The following GFPT1 variants were observed in gnomAD, a reference collection of about 807,000 sequenced individuals.
The protein encoded by GFPT1 is glutamine--fructose-6-phosphate aminotransferase [isomerizing] 1.
Under a neutral mutation model 92.0 loss-of-function variants are expected in GFPT1, and 40 were observed. That is an observed-to-expected ratio of 0.43 (90% CI 0.34 to 0.57). The LOEUF is 0.57. Among genes scored for constraint, GFPT1 ranks in the 20% least tolerant of loss-of-function variants. The pLI, the probability that GFPT1 is intolerant of heterozygous loss-of-function variation, is 0.02. For missense variants in GFPT1, 448 were observed against 869.1 expected (o/e 0.52, Z 6.09); for synonymous variants, 269 against 280.6 (o/e 0.96, Z 0.41).
chr2:69,380,927 T>C (rs1671993851), intron 1 of GFPT1, among the ~76,000 whole-genome samples: 1 of 152,194 alleles, frequency 6.6e-6, no homozygotes, highest in Non-Finnish European at 1.5e-5. Context: ...CAAATCCTCA[T>C]TTTCTCTTCC....
At chr2:69,335,715 A>G (rs1670777307) in intron 15 of GFPT1, among the ~76,000 whole-genome samples, 1 of 152,222 alleles carries the variant, frequency 6.6e-6, no homozygotes, top group Non-Finnish European at 1.5e-5. Flanking sequence ...TGTTAGCAAT[A>G]TCGAAATACC....
chr2:69,328,463 CT>C, intron 17 of GFPT1, 25 bp from the exon 18 acceptor site: 1 of 1,554,504 alleles, frequency 6.4e-7, no homozygotes, highest in Non-Finnish European at 8.9e-7. Flanking sequence ...CCAGATTTGT[CT>C]TCAATCCACT....
intron 17 of GFPT1, 46 bp downstream of exon 17, chr2:69,329,251 T>A: frequency 6.3e-7 from 1 of 1,582,812 alleles, no homozygotes; most frequent in Admixed American, 1.7e-5. Context: ...ATGTGTCAGG[T>A]CTGCAGGTCA....
chr2:69,328,495 G>C (rs1670584226), intron 17 of GFPT1, 57 bp from the exon 18 acceptor site: 1 of 1,288,300 alleles, frequency 7.8e-7, no homozygotes, highest in Admixed American at 1.7e-5. Context: ...CCATGTTTAA[G>C]TAAATATTAT....
Position 69,350,287 on chromosome 2 carries a change from CA to C in GFPT1, c.740-105del, listed in dbSNP as rs199986900. On this transcript the variant is annotated intron_variant, in intron 9 of 19. Transcript: ENST00000357308. ...AAATCAAGAAAAAATCATAGCAACA[CA>C]AAACAATTTTAGCAAATTTAAAAAG... 4,446 of 804,432 alleles carry C rather than the reference CA, an allele frequency of 5.5e-3. 18 individuals are homozygous for C. Among genetic ancestry groups the C allele is most frequent in the Admixed American group, 9.0e-3 (404 of 44,892 alleles). 49.8% of individuals were successfully genotyped at this position (804,432 alleles called of 1,614,324 possible).
chr2:69,354,769 C>G (rs1671295660), intron 7 of GFPT1, among the ~76,000 whole-genome samples: 1 of 152,172 alleles, frequency 6.6e-6, no homozygotes, highest in Non-Finnish European at 1.5e-5. Context: ...GTAATCCCAG[C>G]ACTTCAGGAG....
At chr2:69,359,468 TCTA>T in intron 4 of GFPT1, 142 bp from the exon 5 acceptor site, 1 of 606,362 alleles carries the variant, frequency 1.6e-6, no homozygotes, top group Admixed American at 2.5e-5. Context: ...CATAATTACA[TCTA>T]CTTCTCATTT....
chr2:69,363,339 A>C (rs1443740914), intron 4 of GFPT1, among the ~76,000 whole-genome samples: 1 of 152,106 alleles, frequency 6.6e-6, no homozygotes, highest in Non-Finnish European at 1.5e-5. Context: ...CCTGGACTCA[A>C]GCAATCCTCC....
intron 12 of GFPT1, among the ~76,000 whole-genome samples, chr2:69,344,186 C>CAAAAAAAAAAAAAAAAAAAAAAAAAA (rs10602884): frequency 1.5e-5 from 1 of 64,520 alleles, no homozygotes. Context: ...AAAAGCAAAG[C>CAAAAAAAAAAAAAAAAAAAAAAAAAA]AAAAAAAAAA....
At chr2:69,352,612 C>CAAAAAAAAAAAAAAAAAAAAAA (rs748958210) in intron 9 of GFPT1, among the ~76,000 whole-genome samples, 2 of 47,386 alleles carry the variant, frequency 4.2e-5, no homozygotes, top group Admixed American at 3.8e-4. Flanking sequence ...GACTTCGTCT[C>CAAAAAAAAAAAAAAAAAAAAAA]AAAAAAAAAA....
chr2:69,329,533 T>A, intron 16 of GFPT1, 109 bp from the exon 17 acceptor site: 4 of 971,360 alleles, frequency 4.1e-6, no homozygotes, highest in Non-Finnish European at 6.5e-6. Flanking sequence ...GTGCTATCAA[T>A]CAGTATGGGT....
At position 69,333,233 on chromosome 2, in the gene GFPT1, T is replaced by G. The variant is rs536863370; in HGVS notation, c.1483-3435A>C. 2.9e-4 allele frequency among the ~76,000 whole-genome samples: 44 copies of G among 152,346 alleles called. 2 individuals are homozygous for G. In the South Asian group the frequency reaches 5.0e-3, roughly 17 times the overall value. On this transcript the variant is annotated intron_variant, in intron 15 of 19. Transcript: ENST00000357308. ...TCTTGGACCCCTGGAATACTTAAACTGTTTCCAATCCAAACTGATCAGATA... is the reference window on the plus strand; with the variant it reads ...TCTTGGACCCCTGGAATACTTAAACGGTTTCCAATCCAAACTGATCAGATA...
chr2:69,328,202 G>A (rs1051627275), intron 18 of GFPT1, 69 bp downstream of exon 18: 1 of 1,167,610 alleles, frequency 8.6e-7, no homozygotes, highest in Non-Finnish European at 1.3e-6. Flanking sequence ...TGTTTTGTAA[G>A]TCATTCAAAT....
At chr2:69,357,068 T>G (rs1671355890) in intron 6 of GFPT1, among the ~76,000 whole-genome samples, 1 of 152,138 alleles carries the variant, frequency 6.6e-6, no homozygotes, top group South Asian at 2.1e-4. Flanking sequence ...ACCCAAAATA[T>G]GCTCAATAGA....
At chr2:69,333,842 T>C (rs1035439954) in intron 15 of GFPT1, among the ~76,000 whole-genome samples, 5 of 152,198 alleles carry the variant, frequency 3.3e-5, no homozygotes, top group Non-Finnish European at 7.3e-5. Context: ...GCTCCATCAC[T>C]GGGCCCAGGG....
At chr2:69,344,186 C>CAAAAAAAAAAAAAAAA (rs10602884) in intron 12 of GFPT1, among the ~76,000 whole-genome samples, 107 of 64,456 alleles carry the variant, frequency 1.7e-3, no homozygotes, top group Middle Eastern at 9.3e-3. Flanking sequence ...AAAAGCAAAG[C>CAAAAAAAAAAAAAAAA]AAAAAAAAAA....
At chr2:69,347,641 C>T (rs1192838223) in intron 11 of GFPT1, among the ~76,000 whole-genome samples, 1 of 152,026 alleles carries the variant, frequency 6.6e-6, no homozygotes, top group Non-Finnish European at 1.5e-5. Context: ...CCACACCCAG[C>T]TAATTTTGTA....
intron 17 of GFPT1, among the ~76,000 whole-genome samples, chr2:69,328,901 C>T (rs1382456425): frequency 1.3e-5 from 2 of 152,020 alleles, no homozygotes; most frequent in African/African-American, 4.8e-5. Flanking sequence ...TGGGGTTTCA[C>T]CACGTTGGCC....
chr2:69,367,920 T>C (rs752812745), intron 3 of GFPT1, among the ~76,000 whole-genome samples: 11 of 152,186 alleles, frequency 7.2e-5, no homozygotes, highest in Admixed American at 1.3e-4. Flanking sequence ...ATAAATTCAA[T>C]CAATACTTAT....
Sources: gnomAD v4.1 joint callset for allele counts (sites outside exome capture counted in the v4.1 genomes callset) on GRCh38, gnomAD v4.1.1 for gene constraint, MANE v1.5 for transcripts, NCBI Gene and HGNC (gene_info 2026-07-23, HGNC 2026-07-21) for gene names.